The following MS4A6E variants were observed in gnomAD, a reference collection of about 807,000 sequenced individuals.
MS4A6E encodes the protein membrane-spanning 4-domains subfamily A member 6E.
Under a neutral mutation model 13.2 loss-of-function variants are expected in MS4A6E, and 8 were observed. The ratio of observed to expected loss-of-function variants is 0.60; its 90% CI spans 0.35 to 1.09. MS4A6E has a LOEUF of 1.09. Among genes scored for constraint, MS4A6E ranks in the 50% least tolerant of loss-of-function variants. The pLI is 0.02. For synonymous variants in MS4A6E, 72 were observed against 67.6 expected, an observed-to-expected ratio of 1.06 and a Z score of -0.32; for missense variants, 177 against 171.1, an observed-to-expected ratio of 1.03 and a Z score of -0.19.
At chr11:60,331,672 G>A (rs573638624) in intron 1 of MS4A6E, among the ~76,000 whole-genome samples, 2 of 152,134 alleles carry the variant, frequency 1.3e-5, no homozygotes, top group South Asian at 2.1e-4. Flanking sequence ...AATTTTGGTG[G>A]TGGTTACTTT....
At chr11:60,342,406 G>A (rs527864865), downstream of MS4A6E, among the ~76,000 whole-genome samples, 10 of 152,206 alleles carry the variant, frequency 6.6e-5, no homozygotes, top group South Asian at 1.9e-3. Flanking sequence ...AAGAGCAGAA[G>A]TTTAATGGCT....
intron 2 of MS4A6E, among the ~76,000 whole-genome samples, chr11:60,336,872 C>G (rs935414235): frequency 1.3e-5 from 2 of 152,140 alleles, no homozygotes; most frequent in Non-Finnish European, 2.9e-5. Context: ...AAGGAAGTCA[C>G]TTCTGAGGTC....
At chr11:60,334,677 T>A (rs2085177008) in intron 1 of MS4A6E, among the ~76,000 whole-genome samples, 2 of 152,198 alleles carry the variant, frequency 1.3e-5, no homozygotes, top group Admixed American at 1.3e-4. Context: ...ATGTGTTTAT[T>A]ATCTATAATG....
chr11:60,347,872 A>G (rs1405745506), intron 4 of MS4A6E, among the ~76,000 whole-genome samples: 2 of 152,094 alleles, frequency 1.3e-5, no homozygotes, highest in Non-Finnish European at 2.9e-5. Flanking sequence ...TCCCCAAAAG[A>G]TGGATCTTGG....
intron 1 of MS4A6E, among the ~76,000 whole-genome samples, 141 bp downstream of exon 1, chr11:60,327,549 G>A (rs552725468): frequency 2.0e-5 from 3 of 152,318 alleles, no homozygotes; most frequent in African/African-American, 7.2e-5. Context: ...AAGTGGCATT[G>A]GAACTGGGTA....
chr11:60,335,119 T>C, intron 2 of MS4A6E, 77 bp downstream of exon 2: 1 of 1,565,688 alleles, frequency 6.4e-7, no homozygotes, highest in Admixed American at 1.8e-5. Context: ...GGACTGGTCA[T>C]CCTTGTGAGT....
intron 4 of MS4A6E, 100 bp downstream of exon 4, chr11:60,340,064 A>C (rs2085214770): frequency 6.4e-7 from 1 of 1,550,398 alleles, no homozygotes; most frequent in African/African-American, 1.4e-5. Context: ...ACAATCAGTC[A>C]GTCATGAGAT....
intron 2 of MS4A6E, 62 bp downstream of exon 2, chr11:60,335,104 T>C (rs1216506226): frequency 5.0e-6 from 8 of 1,591,824 alleles, no homozygotes; most frequent in African/African-American, 1.3e-5. Flanking sequence ...ATGATGTATG[T>C]TTTGGGACTG....
chr11:60,338,689 G>A (rs1227676020), intron 3 of MS4A6E: 4 of 152,158 alleles, frequency 2.6e-5, no homozygotes, highest in African/African-American at 7.2e-5. Context: ...GGCCAGCAAC[G>A]CATTGAGAGG....
intron 1 of MS4A6E, among the ~76,000 whole-genome samples, chr11:60,329,834 T>G (rs897333578): frequency 1.3e-5 from 2 of 151,436 alleles, no homozygotes; most frequent in African/African-American, 4.9e-5. Context: ...CTTTTTTTTT[T>G]TTTTTTTTTG....
chr11:60,348,975 A>T (rs377753341), intron 4 of MS4A6E, among the ~76,000 whole-genome samples: 20 of 152,260 alleles, frequency 1.3e-4, no homozygotes, highest in African/African-American at 4.8e-4. Context: ...GAACAATTAG[A>T]CAAAGTCTAA....
intron 2 of MS4A6E, among the ~76,000 whole-genome samples, 183 bp downstream of exon 2, chr11:60,335,225 C>T (rs747370812): frequency 2.0e-5 from 3 of 152,072 alleles, no homozygotes; most frequent in Non-Finnish European, 2.9e-5. Context: ...GTCTTAGAAA[C>T]GTTTTTTCCC....
intron 3 of MS4A6E, chr11:60,338,519 G>T (rs1307049830): frequency 2.0e-5 from 3 of 152,590 alleles, no homozygotes; most frequent in Admixed American, 2.0e-4. Flanking sequence ...GCTGAAAGAA[G>T]TGTGATATCT....
At chr11:60,331,212 T>C (rs2085153880) in intron 1 of MS4A6E, among the ~76,000 whole-genome samples, 1 of 150,608 alleles carries the variant, frequency 6.6e-6, no homozygotes. Context: ...ATAGCTTTAA[T>C]ACAATTATTA....
At chr11:60,340,409 T>C (rs769593924) in intron 4 of MS4A6E, among the ~76,000 whole-genome samples, 2 of 152,234 alleles carry the variant, frequency 1.3e-5, no homozygotes, top group African/African-American at 2.4e-5. Flanking sequence ...ATCCAGTGAA[T>C]GTCTTATGCT....
intron 3 of MS4A6E, among the ~76,000 whole-genome samples, chr11:60,339,339 G>A (rs1056006326): frequency 1.4e-4 from 21 of 152,166 alleles, no homozygotes; most frequent in African/African-American, 5.1e-4. Context: ...TACATAGACA[G>A]GGATGTCAAT....
rs1423986726 is a variant in MS4A6E at position 60,337,833 on chromosome 11, T to G, written c.240T>G (p.Pro80=). 1 of 1,614,228 alleles carries G rather than the reference T, an allele frequency of 6.2e-7. No individual in the cohort carries two copies. ...LLSVNPAALN[P]ASLQCKLDEK... ...CTGTCAACCCGGCTGCATTAAATCCTGCCTCATTGCAGTGTAAGTTGGACG... is the reference window on the plus strand; with the variant it reads ...CTGTCAACCCGGCTGCATTAAATCCGGCCTCATTGCAGTGTAAGTTGGACG... Residue 80 remains proline (P), a synonymous_variant, in exon 3 of 5, where the codon CCT becomes CCG. Coordinates refer to ENST00000684409, the MANE Select transcript of MS4A6E (RefSeq NM_139249.4).
Position 60,334,003 on chromosome 11 carries a change from G to C in MS4A6E, c.-14-879G>C, listed in dbSNP as rs1237573230. 3.3e-5 allele frequency among the ~76,000 whole-genome samples: 5 copies of C among 152,258 alleles called. No homozygotes were observed. The East Asian group carries it at 9.6e-4, about 29-fold the overall frequency. On this transcript the variant is annotated intron_variant, in intron 1 of 4. Coordinates refer to ENST00000684409, the MANE Select transcript of MS4A6E (RefSeq NM_139249.4). ...CTTTCACCCTGATACAGTGAGACTC[G>C]ATCTGGAGAAAACCCTGAAGTCCCA...
chr11:60,344,052 C>T (rs760803090), downstream of MS4A6E, among the ~76,000 whole-genome samples: 2 of 152,130 alleles, frequency 1.3e-5, no homozygotes, highest in African/African-American at 4.8e-5. Flanking sequence ...TTAATTCCTG[C>T]TGGAAGTGAG....
Sources: allele counts gnomAD v4.1 joint callset (sites outside exome capture counted in the v4.1 genomes callset), GRCh38; gene constraint gnomAD v4.1.1; transcripts MANE v1.5; gene names NCBI Gene and HGNC (gene_info 2026-07-23, HGNC 2026-07-21).